The following RAB31 variants were observed in gnomAD, a reference collection of about 807,000 sequenced individuals.
The protein encoded by RAB31 is RAB31, member RAS oncogene family.
A neutral mutation model predicts 25.6 loss-of-function variants in RAB31; 21 were observed. The observed-to-expected ratio is 0.82, with a 90% CI of 0.58 to 1.18. The LOEUF (loss-of-function observed/expected upper bound fraction) is 1.18. RAB31 is among the 50% of genes most tolerant of loss of function. The pLI, the probability that RAB31 is intolerant of heterozygous loss-of-function variation, is 0.00. For synonymous variants in RAB31, 87 were observed against 84.0 expected, an observed-to-expected ratio of 1.04 and a Z score of -0.20; for missense variants, 196 against 250.1, an observed-to-expected ratio of 0.78 and a Z score of 1.46.
At chr18:9,846,643 C>T (rs1167556504) in intron 6 of RAB31, among the ~76,000 whole-genome samples, 1 of 152,240 alleles carries the variant, frequency 6.6e-6, no homozygotes, top group African/African-American at 2.4e-5. Context: ...GGTTTGATCT[C>T]TTTCCTGCCT....
intron 5 of RAB31, among the ~76,000 whole-genome samples, chr18:9,832,174 G>C (rs1318551610): frequency 6.6e-6 from 1 of 152,182 alleles, no homozygotes; most frequent in Non-Finnish European, 1.5e-5. Flanking sequence ...TTCAGCCCAG[G>C]GTGAGGTCCA....
At position 9,811,542 on chromosome 18, in the gene RAB31, A is replaced by G. The variant is rs529960214; in HGVS notation, c.202-2478A>G. Among the ~76,000 whole-genome samples the G allele has an allele frequency of 2.5e-4, 38 of 152,322 alleles. No homozygotes were observed. In the South Asian group the frequency reaches 7.9e-3, roughly 32 times the overall value. ...TCTCCTTCCTCCCTGCTCTCTCCCC[A>G]CTGCCCAATAAAAACAGCTGCTTTG... On this transcript the variant is annotated intron_variant, in intron 3 of 6. Transcript: ENST00000578921.
intron 1 of RAB31, among the ~76,000 whole-genome samples, chr18:9,750,983 A>G (rs2068232058): frequency 6.6e-6 from 1 of 152,166 alleles, no homozygotes; most frequent in African/African-American, 2.4e-5. Context: ...ACGAGGCATC[A>G]TCTTTCCTAG....
intron 3 of RAB31, among the ~76,000 whole-genome samples, chr18:9,793,528 G>C (rs1394015927): frequency 6.6e-6 from 1 of 152,062 alleles, no homozygotes; most frequent in African/African-American, 2.4e-5. Flanking sequence ...CAGGTGTGGT[G>C]GTGGGCATCT....
intron 1 of RAB31, among the ~76,000 whole-genome samples, chr18:9,748,752 G>T (rs1419105063): frequency 2.0e-5 from 3 of 152,048 alleles, no homozygotes; most frequent in East Asian, 3.9e-4. Flanking sequence ...TTAGCTGGGT[G>T]TGGTGGCATG....
chr18:9,832,719 C>T (rs2068685365), intron 5 of RAB31, among the ~76,000 whole-genome samples: 1 of 152,188 alleles, frequency 6.6e-6, no homozygotes, highest in Non-Finnish European at 1.5e-5. Flanking sequence ...GGCAGTCCCT[C>T]AGCATCCCGG....
At chr18:9,828,453 T>G (rs550267524) in intron 5 of RAB31, among the ~76,000 whole-genome samples, 2 of 152,306 alleles carry the variant, frequency 1.3e-5, no homozygotes, top group South Asian at 4.1e-4. Flanking sequence ...AGTAAGTGTG[T>G]GATTCATGCA....
intron 6 of RAB31, among the ~76,000 whole-genome samples, chr18:9,856,904 G>T (rs2068818810): frequency 6.6e-6 from 1 of 152,136 alleles, no homozygotes; most frequent in Admixed American, 6.5e-5. Context: ...AAGAGTACTG[G>T]TAGTCATTGG....
chr18:9,749,600 C>G (rs1035650485), intron 1 of RAB31, among the ~76,000 whole-genome samples: 2 of 152,150 alleles, frequency 1.3e-5, no homozygotes, highest in African/African-American at 2.4e-5. Flanking sequence ...CCCAGGGGCT[C>G]TACCTTACTG....
rs927842330 is a variant in RAB31 at position 9,814,221 on chromosome 18, A to G, written c.273+130A>G. 1.3e-5 allele frequency: 8 copies of G among 608,918 alleles called. No individual in the cohort carries two copies. In the African/African-American group the frequency reaches 1.5e-4, roughly 11 times the overall value. 37.7% of individuals were successfully genotyped at this position (608,918 alleles called of 1,614,324 possible). A position where few individuals can be genotyped will look rare whatever the true frequency, so the allele number is the denominator to read the frequency against. On this transcript the variant is annotated intron_variant, in intron 4 of 6. Coordinates refer to ENST00000578921, the MANE Select transcript of RAB31 (RefSeq NM_006868.4). ...ACTATATATTGAGTTTATTTCATGT[A>G]TATGTAACAAAGCATCCCATATTTA...
chr18:9,747,936 A>G (rs1287509161), intron 1 of RAB31, among the ~76,000 whole-genome samples: 1 of 152,226 alleles, frequency 6.6e-6, no homozygotes, highest in Non-Finnish European at 1.5e-5. Flanking sequence ...TTAGATCAAC[A>G]GTATTAAATA....
intron 5 of RAB31, among the ~76,000 whole-genome samples, chr18:9,842,217 T>C (rs766033804): frequency 4.6e-5 from 7 of 152,126 alleles, no homozygotes; most frequent in East Asian, 1.9e-4. Flanking sequence ...TGAGGCTTCA[T>C]TACTTAGATG....
intron 1 of RAB31, among the ~76,000 whole-genome samples, chr18:9,747,534 G>A (rs949743107): frequency 2.0e-5 from 3 of 152,140 alleles, no homozygotes; most frequent in African/African-American, 7.2e-5. Context: ...CTGTAAAAAT[G>A]AATAAACTAC....
intron 5 of RAB31, among the ~76,000 whole-genome samples, chr18:9,817,799 T>G (rs1313755970): frequency 6.6e-6 from 1 of 152,188 alleles, no homozygotes; most frequent in African/African-American, 2.4e-5. Context: ...CTCAGCTGAT[T>G]CTTATATGTG....
At chr18:9,858,245 C>A (rs1433116494) in intron 6 of RAB31, among the ~76,000 whole-genome samples, 2 of 152,130 alleles carry the variant, frequency 1.3e-5, no homozygotes, top group Admixed American at 1.3e-4. Flanking sequence ...TCTCGAGTCA[C>A]AGTGAAATGG....
intron 3 of RAB31, among the ~76,000 whole-genome samples, chr18:9,806,037 T>C (rs530208210): frequency 3.3e-5 from 5 of 151,952 alleles, no homozygotes; most frequent in East Asian, 1.9e-4. Flanking sequence ...AGTAGCCAGG[T>C]GTGGTGGCAG....
At chr18:9,719,285 AAAAAAAAAAAAAAATATATAT>A (rs1447398565) in intron 1 of RAB31, among the ~76,000 whole-genome samples, 5 of 65,408 alleles carry the variant, frequency 7.6e-5, no homozygotes, top group South Asian at 5.9e-4. Flanking sequence ...AAAAAAAAAA[AAAAAAAAAAAAAAATATATAT>A]ATATATATAT....
intron 3 of RAB31, among the ~76,000 whole-genome samples, chr18:9,809,514 A>T (rs2068559954): frequency 6.6e-6 from 1 of 151,882 alleles, no homozygotes; most frequent in Non-Finnish European, 1.5e-5. Flanking sequence ...TGTTTCTCAA[A>T]CTTATTTGGC....
At chr18:9,857,287 T>C (rs1346286456) in intron 6 of RAB31, among the ~76,000 whole-genome samples, 1 of 151,858 alleles carries the variant, frequency 6.6e-6, no homozygotes, top group Non-Finnish European at 1.5e-5. Flanking sequence ...CAATGTATTA[T>C]TACCTTTGAA....
Sources: gnomAD v4.1 joint callset for allele counts (sites outside exome capture counted in the v4.1 genomes callset) on GRCh38, gnomAD v4.1.1 for gene constraint, MANE v1.5 for transcripts, NCBI Gene and HGNC (gene_info 2026-07-23, HGNC 2026-07-21) for gene names.